ASIC2: variants seen among roughly 807,000 people sequenced by gnomAD.
ASIC2 encodes acid sensing ion channel subunit 2, also known as acid-sensing ion channel 2.
ASIC2 carries 25 observed loss-of-function variants against 57.3 expected under a neutral mutation model. The ratio of observed to expected loss-of-function variants is 0.44; its 90% CI spans 0.32 to 0.61. The LOEUF is 0.61. ASIC2 is among the 20% of genes least tolerant of loss of function. The pLI, the probability that ASIC2 is intolerant of heterozygous loss-of-function variation, is 0.06. For missense variants in ASIC2, 641 were observed against 738.1 expected (o/e 0.87, Z 1.52); for synonymous variants, 319 against 307.5 (o/e 1.04, Z -0.39).
chr17:33,789,254 A>T (rs1225557185), intron 1 of ASIC2, among the ~76,000 whole-genome samples: 1 of 152,204 alleles, frequency 6.6e-6, no homozygotes, highest in Non-Finnish European at 1.5e-5. Flanking sequence ...TCTTTATAGC[A>T]TTGTGAGAAT....
At position 33,255,375 on chromosome 17, in the gene ASIC2, T is replaced by A. The variant is rs947638269; in HGVS notation, c.708+36033A>T. On this transcript the variant is annotated intron_variant, in intron 1 of 9. Transcript: ENST00000225823. ...AGTTGTGCTAAATATTGTATGTGAA[T>A]GTAAAGAAACTGGAAAAAAAGAGAG... Among the ~76,000 whole-genome samples, 8 of 152,062 alleles carry A rather than the reference T, an allele frequency of 5.3e-5. 1 individual carries two copies. The highest frequency in any genetic ancestry group is 1.2e-4 in the Non-Finnish European group (8 of 68,020).
rs1449164729 is a variant in ASIC2 at position 33,464,477 on chromosome 17, TTTCTCTC to T, written c.556-352417_556-352411del. The stretch of plus-strand genomic sequence containing the variant: ...TTTTTCTCTTTCTTTCTTTCTTTCT[TTTCTCTC>T]TTTCTTTCTTTCTTTCTTTCTTTCT... On this transcript the variant is annotated intron_variant, in intron 1 of 9. Coordinates refer to the ASIC2 transcript ENST00000359872. Among the ~76,000 whole-genome samples, 138 of 107,764 alleles carry T rather than the reference TTTCTCTC, an allele frequency of 1.3e-3. 11 individuals carry two copies. Among genetic ancestry groups the T allele is most frequent in the African/African-American group, 2.3e-3 (59 of 25,750 alleles). 70.7% of individuals were successfully genotyped at this position (107,764 alleles called of 152,430 possible).
intron 1 of ASIC2, among the ~76,000 whole-genome samples, chr17:33,527,764 A>G (rs1914927830): frequency 6.6e-6 from 1 of 151,978 alleles, no homozygotes; most frequent in African/African-American, 2.4e-5. Flanking sequence ...GGGTACAGAG[A>G]GGCTGTGTGG....
chr17:33,153,234 G>A (rs1300896161), intron 1 of ASIC2, among the ~76,000 whole-genome samples: 3 of 152,216 alleles, frequency 2.0e-5, no homozygotes, highest in East Asian at 1.9e-4. Context: ...CCAGTGTGGG[G>A]TTCTCCCCGA....
intron 1 of ASIC2, among the ~76,000 whole-genome samples, chr17:33,411,550 G>T (rs1259629823): frequency 2.0e-5 from 3 of 152,172 alleles, no homozygotes; most frequent in South Asian, 2.1e-4. Context: ...GGAAAGGAAG[G>T]TATTATGGAT....
intron 1 of ASIC2, among the ~76,000 whole-genome samples, chr17:33,998,061 C>G (rs967515291): frequency 2.0e-5 from 3 of 152,082 alleles, no homozygotes; most frequent in Non-Finnish European, 4.4e-5. Context: ...CTGATTCAAT[C>G]TCCTTTCTTG....
In ASIC2 at chr17:33,631,737, A is replaced by C. The variant is rs530289999; in HGVS notation, c.556-519670T>G. 2.0e-5 allele frequency among the ~76,000 whole-genome samples: 3 copies of C among 152,244 alleles called. No homozygotes were observed. The East Asian group carries it at 5.8e-4, about 29-fold the overall frequency. ...CAAAGTCTGAGAGTCCCAAAAGGCA[A>C]GTGAACTCTGGAGCACCTGAAAATC... On this transcript the variant is annotated intron_variant, in intron 1 of 9. Transcript: ENST00000359872.
chr17:34,115,529 C>T (rs1911401186), intron 1 of ASIC2, among the ~76,000 whole-genome samples: 2 of 152,144 alleles, frequency 1.3e-5, no homozygotes. Flanking sequence ...GAGATGAAGG[C>T]CATTAATTGA....
At chr17:33,916,456 C>T (rs1215898466) in intron 1 of ASIC2, among the ~76,000 whole-genome samples, 1 of 152,190 alleles carries the variant, frequency 6.6e-6, no homozygotes, top group African/African-American at 2.4e-5. Context: ...ATCTGAATCC[C>T]TGAATCATGC....
At chr17:33,711,332 C>T (rs916403287) in intron 1 of ASIC2, among the ~76,000 whole-genome samples, 10 of 152,294 alleles carry the variant, frequency 6.6e-5, no homozygotes, top group South Asian at 2.1e-4. Context: ...ATCATGGATA[C>T]GTGAGCTTCT....
At chr17:33,688,433 T>A (rs6505367) in intron 1 of ASIC2, among the ~76,000 whole-genome samples, 5,777 of 152,206 alleles carry the variant, frequency 0.038, 356 homozygotes, top group African/African-American at 0.13. Context: ...GAATGTTAAC[T>A]TAACAGTATT....
chr17:33,247,616 C>T (rs1908735077), intron 1 of ASIC2, among the ~76,000 whole-genome samples: 1 of 152,192 alleles, frequency 6.6e-6, no homozygotes, highest in Non-Finnish European at 1.5e-5. Context: ...TAGAGAGAGT[C>T]TACCCGTGTC....
At chr17:33,577,865 G>T (rs930316559) in intron 1 of ASIC2, among the ~76,000 whole-genome samples, 1 of 152,180 alleles carries the variant, frequency 6.6e-6, no homozygotes, top group East Asian at 1.9e-4. Context: ...GGAGAGAAGA[G>T]AACCTTTCCA....
intron 1 of ASIC2, among the ~76,000 whole-genome samples, chr17:34,056,854 C>T (rs761056915): frequency 6.6e-6 from 1 of 152,154 alleles, no homozygotes; most frequent in Non-Finnish European, 1.5e-5. Context: ...TGGCTGGGAT[C>T]CTCTCATATC....
At chr17:33,256,585 GT>G (rs1409259743) in intron 1 of ASIC2, among the ~76,000 whole-genome samples, 1 of 152,220 alleles carries the variant, frequency 6.6e-6, no homozygotes, top group Non-Finnish European at 1.5e-5. Context: ...ACTCACACCT[GT>G]TTTTCCAGCA....
At chr17:33,606,635 A>G (rs1310981968) in intron 1 of ASIC2, among the ~76,000 whole-genome samples, 5 of 152,192 alleles carry the variant, frequency 3.3e-5, no homozygotes, top group East Asian at 1.9e-4. Flanking sequence ...GGCAGTGTCT[A>G]TGTATGTAGC....
intron 1 of ASIC2, among the ~76,000 whole-genome samples, chr17:33,488,079 A>G (rs1913632230): frequency 6.6e-6 from 1 of 152,142 alleles, no homozygotes; most frequent in Non-Finnish European, 1.5e-5. Context: ...ACCTTGACTA[A>G]TACAGTTGTT....
Position 33,274,141 on chromosome 17 carries a change from C to T in ASIC2, c.708+17267G>A, listed in dbSNP as rs116059588. On this transcript the variant is annotated intron_variant, in intron 1 of 9. Transcript: ENST00000225823. ...TGGCCTTGGGCAAGTGATGTGACCACATTGAGCATCTGTTTTCTCATCTAT... is the reference window on the plus strand; with the variant it reads ...TGGCCTTGGGCAAGTGATGTGACCATATTGAGCATCTGTTTTCTCATCTAT... 2.2e-3 allele frequency among the ~76,000 whole-genome samples: 335 copies of T among 152,344 alleles called. 1 individual carries two copies. The highest frequency in any genetic ancestry group is 8.0e-3 in the African/African-American group (332 of 41,578).
At chr17:33,420,492 T>C (rs1911007264) in intron 1 of ASIC2, among the ~76,000 whole-genome samples, 1 of 152,160 alleles carries the variant, frequency 6.6e-6, no homozygotes, top group African/African-American at 2.4e-5. Context: ...GAGTGGTAAA[T>C]GAAAAGCCAT....
Sources: gnomAD v4.1 joint callset for allele counts (sites outside exome capture counted in the v4.1 genomes callset) on GRCh38, gnomAD v4.1.1 for gene constraint, MANE v1.5 for transcripts, NCBI Gene and HGNC (gene_info 2026-07-23, HGNC 2026-07-21) for gene names.